The following PCDHGB6 variants were observed in gnomAD, a reference collection of about 807,000 sequenced individuals.
The protein encoded by PCDHGB6 is protocadherin gamma-B6.
PCDHGB6 carries 51 observed loss-of-function variants against 59.1 expected under a neutral mutation model. The ratio of observed to expected loss-of-function variants is 0.86; its 90% CI spans 0.69 to 1.09. PCDHGB6 has a LOEUF of 1.09. Ranked by LOEUF, PCDHGB6 falls within the 50% of genes least tolerant of loss-of-function variation. PCDHGB6 has a pLI of 0.00. For synonymous variants in PCDHGB6, 466 were observed against 495.1 expected (o/e 0.94, Z 0.78); for missense variants, 1,148 against 1,205.1 (o/e 0.95, Z 0.70).
rs965707754 is a variant in PCDHGB6 at position 141,505,329 on chromosome 5, G to A, written c.2478-64G>A. On this transcript the variant is annotated intron_variant, in intron 2 of 3. Coordinates refer to ENST00000520790, the MANE Select transcript of PCDHGB6 (RefSeq NM_018926.3). ...ACTAGGTTTGGGAGCCCTGGGAGAG[G>A]ACAGGAGGGGCATGAGCTGTGCCGG... is the stretch of plus-strand genomic sequence containing the variant. The A allele has an allele frequency of 2.5e-6, 4 of 1,610,060 alleles. No individual in the cohort carries two copies. The African/African-American group carries it at 5.3e-5, about 22-fold the overall frequency.
At chr5:141,420,061 G>A (rs376044810) in intron 1 of PCDHGB6, 3 of 1,613,958 alleles carry the variant, frequency 1.9e-6, no homozygotes, top group Non-Finnish European at 2.5e-6. Flanking sequence ...TCTGCTCCAA[G>A]TCCGGACCTG....
At chr5:141,425,827 T>C (rs2096896512) in intron 1 of PCDHGB6, among the ~76,000 whole-genome samples, 1 of 152,226 alleles carries the variant, frequency 6.6e-6, no homozygotes, top group South Asian at 2.1e-4. Context: ...AAACAAACTT[T>C]TAAATTCTCT....
chr5:141,425,979 A>T lies in PCDHGB6; in HGVS notation c.2418+15359A>T, dbSNP rs114212354. ...GTCCAACACATCAGTCTAATTCTGA[A>T]TCCCATTGAATTAGCAAAGGCTTCC... On this transcript the variant is annotated intron_variant, in intron 1 of 3. Coordinates refer to ENST00000520790, the MANE Select transcript of PCDHGB6 (RefSeq NM_018926.3). Among the ~76,000 whole-genome samples, 592 of 152,328 alleles carry T rather than the reference A, an allele frequency of 3.9e-3. 5 individuals carry two copies. Among genetic ancestry groups the T allele is most frequent in the African/African-American group, 0.014 (563 of 41,580 alleles).
intron 1 of PCDHGB6, chr5:141,415,605 G>T: frequency 1.2e-6 from 2 of 1,613,122 alleles, no homozygotes; most frequent in Non-Finnish European, 1.7e-6. Flanking sequence ...ATACCCCATT[G>T]GTTCCAGTGA....
At chr5:141,414,305 A>G (rs2095732833) in intron 1 of PCDHGB6, 2 of 1,613,604 alleles carry the variant, frequency 1.2e-6, no homozygotes, top group African/African-American at 2.7e-5. Flanking sequence ...AATGTGCATG[A>G]TTTAGACTCT....
At chr5:141,435,902 A>G (rs896786345) in intron 1 of PCDHGB6, among the ~76,000 whole-genome samples, 1 of 152,194 alleles carries the variant, frequency 6.6e-6, no homozygotes, top group Non-Finnish European at 1.5e-5. Flanking sequence ...AATGAAAGAC[A>G]TCCAAGGGCT....
intron 2 of PCDHGB6, among the ~76,000 whole-genome samples, chr5:141,497,006 T>C (rs947830895): frequency 1.3e-5 from 2 of 151,678 alleles, no homozygotes; most frequent in South Asian, 2.1e-4. Context: ...GCAGCCAACA[T>C]GGTGAAACCC....
intron 1 of PCDHGB6, chr5:141,430,546 G>A (rs1323295073): frequency 2.5e-6 from 1 of 402,156 alleles, no homozygotes; most frequent in Non-Finnish European, 4.4e-6. Context: ...GAGCGCCGCT[G>A]TTCACCAATC....
chr5:141,489,124 A>C lies in PCDHGB6; in HGVS notation c.2419-5683A>C. The C allele has an allele frequency of 3.6e-6, 2 of 556,652 alleles. No individual in the cohort carries two copies. Among genetic ancestry groups the C allele is most frequent in the South Asian group, 3.3e-5 (1 of 30,014 alleles). The allele number at this position is 556,652 out of a possible 1,614,324, so 34.5% of individuals were successfully genotyped here. On this transcript the variant is annotated intron_variant, in intron 1 of 3. Transcript: ENST00000520790. The surrounding 1 kb of genome is among the most constrained non-coding windows in gnomAD (Gnocchi z 4.5). ...GCTGCAAGCAGGCAAACCTCCGAGC[A>C]GTTTTTAAGAGGCTGGAAGGAGACA...
intron 2 of PCDHGB6, among the ~76,000 whole-genome samples, chr5:141,499,689 CTTTTT>C (rs545067566): frequency 3.3e-5 from 4 of 119,852 alleles, no homozygotes; most frequent in Non-Finnish European, 3.5e-5. Flanking sequence ...TAACAGATGA[CTTTTT>C]TTTTTTTTTT....
chr5:141,444,947 C>G (rs2098452252), intron 1 of PCDHGB6, among the ~76,000 whole-genome samples: 1 of 152,054 alleles, frequency 6.6e-6, no homozygotes, highest in Non-Finnish European at 1.5e-5. Context: ...GGAGGAGGAT[C>G]ATCTTAACAA....
chr5:141,409,490 C>G lies in PCDHGB6; in HGVS notation c.1288C>G (p.Pro430Ala), dbSNP rs780688280. 7.4e-6 allele frequency: 12 copies of G among 1,613,892 alleles called. No homozygotes were observed. The highest frequency in any genetic ancestry group is 1.0e-5 in the Non-Finnish European group (12 of 1,179,902). The change falls in exon 1 of 4, where the codon CCG becomes GCG. Residue 430 changes from proline to alanine, a missense_variant. Around this residue, in one of 5 missense-constraint regions of PCDHGB6, gnomAD observed 549 missense variants for 527.5 expected, o/e 1.04. Coordinates refer to ENST00000520790, the MANE Select transcript of PCDHGB6 (RefSeq NM_018926.3). ...VTIVATDRGK[P>A]PLSSSRSITL... is the part of the protein sequence containing the mutation. ...CATCGTAGCCACTGACAGGGGCAAG[C>G]CGCCTCTTTCTTCCAGTAGAAGCAT...
At chr5:141,498,073 T>C (rs1474889879) in intron 2 of PCDHGB6, among the ~76,000 whole-genome samples, 1 of 152,214 alleles carries the variant, frequency 6.6e-6, no homozygotes, top group Non-Finnish European at 1.5e-5. Context: ...CTGTCATAAG[T>C]GCTAGGTAGA....
At position 141,431,119 on chromosome 5, in the gene PCDHGB6, A is replaced by C. The variant is rs147514897; in HGVS notation, c.2418+20499A>C. 1.2e-6 allele frequency: 2 copies of C among 1,614,134 alleles called. No individual in the cohort carries two copies. The highest frequency in any genetic ancestry group is 2.7e-5 in the African/African-American group (2 of 74,956). ...ATAAAGTGAAAATATATGGAGTAGA[A>C]GTAGAAGTAAGGGACATTAACGACA... On this transcript the variant is annotated intron_variant, in intron 1 of 3. Coordinates refer to ENST00000520790, the MANE Select transcript of PCDHGB6 (RefSeq NM_018926.3). The surrounding 1 kb of genome is among the most constrained non-coding windows in gnomAD (Gnocchi z 4.8).
rs200625256 is a variant in PCDHGB6 at position 141,477,009 on chromosome 5, A to G, written c.2419-17798A>G. 7.5e-5 allele frequency: 121 copies of G among 1,614,064 alleles called. No homozygotes were observed. Among genetic ancestry groups the G allele is most frequent in the Non-Finnish European group, 9.2e-5 (109 of 1,180,028 alleles). On this transcript the variant is annotated intron_variant, in intron 1 of 3. Transcript: ENST00000520790. This position sits in a 1 kb window ranked among gnomAD's most constrained non-coding sequence, Gnocchi z 4.9. The stretch of plus-strand genomic sequence containing the variant: ...GGCGTGCGGCAACTATTCGCCTTAG[A>G]CCTTGTAACCGGGATGCTGACAATC...
At position 141,408,518 on chromosome 5, in the gene PCDHGB6, T is replaced by G; in HGVS notation, c.316T>G (p.Leu106Val). 1 of 1,614,012 alleles carries G rather than the reference T, an allele frequency of 6.2e-7. No homozygotes were observed. Among genetic ancestry groups the G allele is most frequent in the Non-Finnish European group, 8.5e-7 (1 of 1,179,894 alleles). ...AGAGAGAAGAAGATGTGAGTTGCAA[T>G]TGGAAGCTGTGGTGGAAAATCCTTT... ...CKERRRCELQLEAVVENPLNI... is the reference protein window; with the variant it reads ...CKERRRCELQVEAVVENPLNI... Residue 106 changes from leucine (L) to valine (V), a missense_variant, in exon 1 of 4, where the codon TTG (leucine) becomes GTG (valine). Physicochemically the swap from Leu to Val is conservative, Grantham distance 32. Coordinates refer to ENST00000520790, the MANE Select transcript of PCDHGB6 (RefSeq NM_018926.3).
intron 1 of PCDHGB6, chr5:141,421,138 G>T (rs2096548427): frequency 1.1e-6 from 1 of 899,466 alleles, no homozygotes. Context: ...ATATATTTTG[G>T]ATGTAGTCGG....
rs749528675 is a variant in PCDHGB6, at chr5:141,490,604, A to G, written c.2419-4203A>G. On this transcript the variant is annotated intron_variant, in intron 1 of 3. Coordinates refer to ENST00000520790, the MANE Select transcript of PCDHGB6 (RefSeq NM_018926.3). This position sits in a 1 kb window ranked among gnomAD's most constrained non-coding sequence, Gnocchi z 5.4. ...GTCAATGACAATGCACCCCGCTTCA[A>G]CCAGCAGCTTTACACTGCTTACATC... is the stretch of plus-strand genomic sequence containing the variant. 13 of 1,614,192 alleles carry G rather than the reference A, an allele frequency of 8.1e-6. No homozygotes were observed. Among genetic ancestry groups the G allele is most frequent in the Non-Finnish European group, 1.1e-5 (13 of 1,180,022 alleles).
intron 1 of PCDHGB6, chr5:141,427,316 C>G: frequency 2.2e-6 from 1 of 457,002 alleles, no homozygotes; most frequent in Non-Finnish European, 4.4e-6. Context: ...ATGCCCCAGA[C>G]GTGGTTTTTA....
Sources: gnomAD v4.1 joint callset for allele counts (sites outside exome capture counted in the v4.1 genomes callset) on GRCh38, gnomAD v4.1.1 for gene constraint, gnomAD v4.1.1 regional missense constraint, Gnocchi (gnomAD v3.1) non-coding constraint, MANE v1.5 for transcripts, NCBI Gene and HGNC (gene_info 2026-07-23, HGNC 2026-07-21) for gene names.